Variants in CDK12 observed in about 807,000 individuals in gnomAD.
The protein encoded by CDK12 is cyclin dependent kinase 12.
A neutral mutation model predicts 133.8 loss-of-function variants in CDK12; 17 were observed. The observed-to-expected ratio is 0.13, with a 90% CI of 0.09 to 0.19. The LOEUF (loss-of-function observed/expected upper bound fraction) is 0.19, where lower values mean the gene tolerates loss of function less well. Ranked by LOEUF, CDK12 falls within the 10% of genes least tolerant of loss-of-function variation. The probability of loss-of-function intolerance (pLI) is 1.00; values close to 1 mark genes in which losing one functional copy is unlikely to be tolerated. For missense variants in CDK12, 1,508 were observed against 1,818.7 expected (o/e 0.83, Z 3.11); for synonymous variants, 694 against 683.6 (o/e 1.02, Z -0.24).
intron 13 of CDK12, chr17:39,529,878 A>T (rs1336619544): frequency 6.6e-6 from 1 of 151,938 alleles, no homozygotes; most frequent in Non-Finnish European, 1.5e-5. Flanking sequence ...TTTTCATAGC[A>T]TGGAAAAAAA....
At chr17:39,491,608 G>GT (rs1445506013) in intron 3 of CDK12, among the ~76,000 whole-genome samples, 1 of 151,890 alleles carries the variant, frequency 6.6e-6, no homozygotes, top group Non-Finnish European at 1.5e-5. Context: ...ACCTGAGAGA[G>GT]TTCAGAAAGC....
chr17:39,477,611 C>T (rs112624557), intron 2 of CDK12, among the ~76,000 whole-genome samples: 15,448 of 138,922 alleles, frequency 0.11, 860 homozygotes, highest in African/African-American at 0.17. Flanking sequence ...CTTGCTCTGT[C>T]GCCCAGGCTG....
intron 1 of CDK12, among the ~76,000 whole-genome samples, chr17:39,540,783 G>A (rs528565785): frequency 3.9e-5 from 6 of 152,138 alleles, no homozygotes; most frequent in Non-Finnish European, 5.9e-5. Flanking sequence ...TGCGGCAGGC[G>A]GGGGTCTTCC....
intron 2 of CDK12, among the ~76,000 whole-genome samples, chr17:39,489,895 C>T (rs1463760224): frequency 1.3e-5 from 2 of 150,846 alleles, no homozygotes; most frequent in Admixed American, 6.6e-5. Context: ...TTGCCTCAGC[C>T]TCCCAAAGTG....
Position 39,531,204 on chromosome 17 carries a change from G to T in CDK12, c.4361G>T (p.Gly1454Val). 1 of 1,518,860 alleles carries T rather than the reference G, an allele frequency of 6.6e-7. No individual in the cohort carries two copies. Among genetic ancestry groups the T allele is most frequent in the Middle Eastern group, 1.8e-4 (1 of 5,592 alleles). 94.1% of individuals were successfully genotyped at this position (1,518,860 alleles called of 1,614,324 possible). The change falls in exon 14 of 14, where the codon GGA becomes GTA. Residue 1454 changes from glycine (G) to valine (V), a missense_variant. Gly to Val is a moderately radical substitution (Grantham distance 109, BLOSUM62 -3). This residue lies in a region of CDK12 where 114 missense variants were observed against 101.2 expected (regional missense o/e 1.13). Transcript: ENST00000447079. ...GPGTTGASSS[G>V]AGLHWGGPTQ... ...GGAACCACTGGGGCCAGCAGCTCAG[G>T]AGCAGGCCTTCACTGGGGGGGCCCA...
At chr17:39,486,336 A>T (rs2051131196) in intron 2 of CDK12, among the ~76,000 whole-genome samples, 1 of 143,896 alleles carries the variant, frequency 6.9e-6, no homozygotes, top group African/African-American at 2.6e-5. Context: ...ATCATGGCTC[A>T]CTGCAACCTT....
rs1402989044 is a variant in CDK12 at position 39,501,027 on chromosome 17, C to T, written c.2420-223C>T. On this transcript the variant is annotated intron_variant, in intron 5 of 13. Coordinates refer to ENST00000447079, the MANE Select transcript of CDK12 (RefSeq NM_016507.4). ...CTGGGGTTACAGGCATCAGCCACTG[C>T]GCCCAGCCACAGAAGATTAATTCAA... Among the ~76,000 whole-genome samples, 7 of 152,254 alleles carry T rather than the reference C, an allele frequency of 4.6e-5. No homozygotes were observed. The East Asian group carries it at 5.8e-4, about 13-fold the overall frequency.
intron 6 of CDK12, among the ~76,000 whole-genome samples, chr17:39,504,922 T>TA (rs1279673354): frequency 1.5e-4 from 13 of 87,564 alleles, no homozygotes; most frequent in Non-Finnish European, 3.3e-4. Flanking sequence ...AGAAAATCTA[T>TA]AAAAAGGGAG....
intron 8 of CDK12, 50 bp downstream of exon 8, chr17:39,511,680 C>G (rs2146380207): frequency 8.2e-7 from 1 of 1,217,440 alleles, no homozygotes; most frequent in Non-Finnish European, 1.2e-6. Context: ...ATACTGTTGA[C>G]TTGTACTTTG....
At chr17:39,503,768 T>C (rs1055779724) in intron 6 of CDK12, among the ~76,000 whole-genome samples, 2 of 152,182 alleles carry the variant, frequency 1.3e-5, no homozygotes, top group Non-Finnish European at 2.9e-5. Flanking sequence ...TACTCAGACC[T>C]GTGGGTGAGA....
At position 39,532,026 on chromosome 17, in the gene CDK12, G is replaced by T. The variant is rs143371759; in HGVS notation, c.*710G>T. On this transcript the variant is annotated 3_prime_UTR_variant, in exon 14 of 14. Transcript: ENST00000447079. ...CTGCACATAAAGCAGGTTGTAGAAC[G>T]TGGCATTCTTGGGCAAGTAGGTAGA... The T allele has an allele frequency of 5.8e-4, 136 of 233,600 alleles. No homozygotes were observed. Among genetic ancestry groups the T allele is most frequent in the African/African-American group, 2.9e-3 (131 of 45,344 alleles). The allele number at this position is 233,600 out of a possible 1,614,324, so 14.5% of individuals were successfully genotyped here.
At chr17:39,505,353 C>A (rs909321603) in intron 6 of CDK12, among the ~76,000 whole-genome samples, 3 of 151,514 alleles carry the variant, frequency 2.0e-5, no homozygotes, top group Admixed American at 6.6e-5. Context: ...GGTGAAACCC[C>A]GTCTCTACTA....
intron 2 of CDK12, among the ~76,000 whole-genome samples, chr17:39,553,484 C>T (rs1165687644): frequency 6.6e-6 from 1 of 152,162 alleles, no homozygotes; most frequent in Non-Finnish European, 1.5e-5. Flanking sequence ...CTCCTGCTTC[C>T]TTGATCACAT....
intron 5 of CDK12, among the ~76,000 whole-genome samples, chr17:39,499,224 TGA>T (rs1350526742): frequency 8.6e-5 from 9 of 104,794 alleles, no homozygotes; most frequent in African/African-American, 1.5e-4. Context: ...TTTTTTTTTT[TGA>T]GACAGAGTCT....
chr17:39,472,785 C>G (rs551471639), intron 2 of CDK12, among the ~76,000 whole-genome samples: 88 of 151,356 alleles, frequency 5.8e-4, no homozygotes, highest in African/African-American at 2.1e-3. Context: ...ATATAAATAA[C>G]ATGCTATCGG....
intron 5 of CDK12, among the ~76,000 whole-genome samples, chr17:39,496,489 C>T (rs571966493): frequency 9.9e-5 from 15 of 152,018 alleles, no homozygotes; most frequent in Middle Eastern, 3.4e-3. Flanking sequence ...CACCTGAGGT[C>T]GGGAGTTTGA....
chr17:39,509,829 T>C (rs1205880357), intron 7 of CDK12, 68 bp downstream of exon 7: 1 of 1,217,966 alleles, frequency 8.2e-7, no homozygotes, highest in Admixed American at 1.7e-5. Context: ...TGAGGCAGGA[T>C]CTTATTCTGT....
intron 2 of CDK12, among the ~76,000 whole-genome samples, chr17:39,487,937 A>C (rs959977366): frequency 3.3e-5 from 5 of 151,974 alleles, no homozygotes; most frequent in Non-Finnish European, 7.4e-5. Context: ...TTTCTCTACC[A>C]CTTATTAATA....
chr17:39,509,132 G>A (rs982835041), intron 6 of CDK12, among the ~76,000 whole-genome samples: 3 of 152,094 alleles, frequency 2.0e-5, no homozygotes, highest in Non-Finnish European at 4.4e-5. Context: ...CATGAGCCAT[G>A]TTCTACTGAG....
Sources: gnomAD v4.1 joint callset for allele counts (sites outside exome capture counted in the v4.1 genomes callset) on GRCh38, gnomAD v4.1.1 for gene constraint, gnomAD v4.1.1 regional missense constraint, MANE v1.5 for transcripts, NCBI Gene and HGNC (gene_info 2026-07-23, HGNC 2026-07-21) for gene names.